The following PDPK1 variants were observed in gnomAD, a reference collection of about 807,000 sequenced individuals.
PDPK1 encodes the protein 3-phosphoinositide-dependent protein kinase 1.
Under a neutral mutation model 39.8 loss-of-function variants are expected in PDPK1, and 7 were observed. The observed-to-expected ratio is 0.18, with a 90% CI of 0.10 to 0.33. The LOEUF is 0.33. PDPK1 is among the 10% of genes least tolerant of loss of function. The pLI, the probability that PDPK1 is intolerant of heterozygous loss-of-function variation, is 1.00. For synonymous variants in PDPK1, 118 were observed against 159.1 expected, an observed-to-expected ratio of 0.74 and a Z score of 1.95; for missense variants, 182 against 384.7, an observed-to-expected ratio of 0.47 and a Z score of 4.41.
In PDPK1 at chr16:2,600,132, TACC is replaced by T. The variant is rs1410124318; in HGVS notation, c.*2368_*2370del. On this transcript the variant is annotated 3_prime_UTR_variant, in exon 14 of 14. Coordinates refer to ENST00000342085, the MANE Select transcript of PDPK1 (RefSeq NM_002613.5). Reference sequence around the variant, plus strand: ...TGCTCATGTCTACTCCGGTTTTCTCTACCACATCCTTAGAGCCATCACCTGGCA... The same window carrying T: ...TGCTCATGTCTACTCCGGTTTTCTCTACATCCTTAGAGCCATCACCTGGCA... The T allele has an allele frequency of 1.3e-5, 3 of 233,140 alleles. No homozygotes were observed. The highest frequency in any genetic ancestry group is 5.6e-5 in the Admixed American group (1 of 17,776). 14.4% of individuals were successfully genotyped at this position (233,140 alleles called of 1,614,324 possible).
intron 12 of PDPK1, 147 bp from the exon 13 acceptor site, chr16:2,596,976 G>A (rs752625878): frequency 2.7e-5 from 13 of 476,254 alleles, no homozygotes; most frequent in Non-Finnish European, 4.4e-5. Flanking sequence ...GGTGGGGCAG[G>A]AAGTCCCCTG....
intron 11 of PDPK1, among the ~76,000 whole-genome samples, chr16:2,594,743 G>T (rs1487385066): frequency 1.3e-5 from 2 of 152,188 alleles, no homozygotes; most frequent in Non-Finnish European, 2.9e-5. Context: ...CCCTTTGGGA[G>T]GCCGAGGCAG....
Position 2,597,716 on chromosome 16 carries a change from G to C in PDPK1, c.1620G>C (p.Gln540His). ...GNAHKWCRKI[Q>H]EVWRQRYQSH... ...CACACAAGTGGTGCAGGAAGATCCA[G>C]GAGGTTTGGAGGCAGCGATACCAGA... Residue 540 changes from glutamine to histidine, a missense_variant, in exon 14 of 14, where the codon CAG (glutamine) becomes CAC (histidine). Physicochemically the swap from Gln to His is conservative, Grantham distance 24. This residue lies in a region of PDPK1 where 67 missense variants were observed against 87.8 expected (regional missense o/e 0.76). Transcript: ENST00000342085. This position sits in a 1 kb window ranked among gnomAD's most constrained non-coding sequence, Gnocchi z 6.3. 6.2e-7 allele frequency: 1 copy of C among 1,613,702 alleles called. No homozygotes were observed. Among genetic ancestry groups the C allele is most frequent in the Non-Finnish European group, 8.5e-7 (1 of 1,180,026 alleles).
chr16:2,541,487 G>T (rs1027784058), intron 1 of PDPK1, among the ~76,000 whole-genome samples: 19 of 152,216 alleles, frequency 1.2e-4, no homozygotes, highest in Non-Finnish European at 2.2e-4. Context: ...CCCTTCTGAG[G>T]AAATGGACAG....
chr16:2,592,782 C>T (rs561930559), intron 11 of PDPK1: 6 of 455,432 alleles, frequency 1.3e-5, no homozygotes, highest in African/African-American at 1.0e-4. Context: ...CTCTAGATGC[C>T]GCCAGTGGAG....
At chr16:2,592,853 A>G (rs1423541461) in intron 11 of PDPK1, 2 of 456,038 alleles carry the variant, frequency 4.4e-6, no homozygotes, top group East Asian at 7.0e-5. Context: ...TGTCCATTTC[A>G]TTGTCTCTCT....
intron 1 of PDPK1, chr16:2,538,357 G>T (rs1327610883): frequency 2.6e-6 from 1 of 386,588 alleles, no homozygotes; most frequent in South Asian, 2.0e-5. Flanking sequence ...CGGCCTGGCC[G>T]GGGGCGCTGA....
intron 11 of PDPK1, among the ~76,000 whole-genome samples, chr16:2,589,058 T>C (rs1282548073): frequency 6.6e-6 from 1 of 152,088 alleles, no homozygotes; most frequent in East Asian, 1.9e-4. Context: ...TGGGTTAAAG[T>C]GATTCTCCTG....
intron 1 of PDPK1, among the ~76,000 whole-genome samples, chr16:2,552,439 A>G (rs1212127480): frequency 6.6e-6 from 1 of 151,764 alleles, no homozygotes; most frequent in Non-Finnish European, 1.5e-5. Context: ...TTTAAAACTC[A>G]GGGTTTGTTT....
rs1177599831 is a variant in PDPK1, at chr16:2,600,978, CT to C, written c.*3212del. 2 of 230,292 alleles carry C rather than the reference CT, an allele frequency of 8.7e-6. No homozygotes were observed. Among genetic ancestry groups the C allele is most frequent in the African/African-American group, 4.6e-5 (2 of 43,858 alleles). 14.3% of individuals were successfully genotyped at this position (230,292 alleles called of 1,614,324 possible). A position where few individuals can be genotyped will look rare whatever the true frequency, so the allele number is the denominator to read the frequency against. ...CAGAAACATGTTTTTAACAATTGTA[CT>C]ATTTAGTCATTGTCCATTTACTATA... On this transcript the variant is annotated 3_prime_UTR_variant, in exon 14 of 14. Coordinates refer to ENST00000342085, the MANE Select transcript of PDPK1 (RefSeq NM_002613.5).
intron 1 of PDPK1, among the ~76,000 whole-genome samples, chr16:2,545,852 C>G (rs1254889122): frequency 6.6e-6 from 1 of 152,098 alleles, no homozygotes; most frequent in East Asian, 1.9e-4. Context: ...GTTGCCCAGG[C>G]TGGTCTTGGA....
At position 2,573,805 on chromosome 16, in the gene PDPK1, T is replaced by A. The variant is rs1300786833; in HGVS notation, c.710-3620T>A. ...TTCCTTTTTCTGTTTTTATTTTTTT[T>A]TTTTTTGAGACGGAATTTCGCTCTT... is the stretch of plus-strand genomic sequence containing the variant. On this transcript the variant is annotated intron_variant, in intron 6 of 13. Transcript: ENST00000342085. Among the ~76,000 whole-genome samples the A allele has an allele frequency of 5.0e-5, 6 of 121,070 alleles. No individual in the cohort carries two copies. In the East Asian group the frequency reaches 9.0e-4, roughly 18 times the overall value. 79.4% of individuals were successfully genotyped at this position (121,070 alleles called of 152,430 possible).
chr16:2,579,486 T>A (rs2066778690), intron 7 of PDPK1: 1 of 118,994 alleles, frequency 8.4e-6, no homozygotes, highest in Non-Finnish European at 1.8e-5. Context: ...TATTCACGTT[T>A]TCTCGTTTGC....
chr16:2,560,168 A>G (rs1320659203), intron 2 of PDPK1, among the ~76,000 whole-genome samples: 495 of 151,730 alleles, frequency 3.3e-3, no homozygotes, highest in African/African-American at 0.011. Context: ...CTGCTTGTGA[A>G]GTGTTGAGTT....
intron 1 of PDPK1, 42 bp downstream of exon 1, chr16:2,538,178 C>G: frequency 1.9e-6 from 2 of 1,034,298 alleles, no homozygotes; most frequent in Non-Finnish European, 2.3e-6. Context: ...GTTTGTTACC[C>G]TGCCGGGTCC....
At chr16:2,556,440 C>T (rs1468361413) in intron 1 of PDPK1, among the ~76,000 whole-genome samples, 1 of 132,268 alleles carries the variant, frequency 7.6e-6, no homozygotes, top group Non-Finnish European at 1.6e-5. Context: ...TATCAGCTCA[C>T]TGCAACCTCT....
intron 1 of PDPK1, among the ~76,000 whole-genome samples, chr16:2,546,273 G>A (rs753311187): frequency 2.6e-5 from 4 of 151,540 alleles, no homozygotes; most frequent in African/African-American, 2.4e-5. Flanking sequence ...TAGTAGAGAC[G>A]GGGTTTCACC....
At chr16:2,591,435 G>T (rs2142000831) in intron 11 of PDPK1, among the ~76,000 whole-genome samples, 1 of 152,302 alleles carries the variant, frequency 6.6e-6, no homozygotes, top group Middle Eastern at 3.4e-3. Context: ...GAAATGTATT[G>T]TTACGAGTCA....
In PDPK1 at chr16:2,602,590, A is replaced by G. The variant is rs1432538799; in HGVS notation, c.*4823A>G. The G allele has an allele frequency of 1.3e-5, 3 of 234,386 alleles. No homozygotes were observed. The Admixed American group carries it at 1.7e-4, about 13-fold the overall frequency. The allele number at this position is 234,386 out of a possible 1,614,324, so 14.5% of individuals were successfully genotyped here. ...GGTCATTGTGCTGGTAAAAGCCTCT[A>G]TTACGACTGTAAGTAAGTTGGATGT... On this transcript the variant is annotated 3_prime_UTR_variant, in exon 14 of 14. Transcript: ENST00000342085.
Sources: gnomAD v4.1 joint callset for allele counts (sites outside exome capture counted in the v4.1 genomes callset) on GRCh38, gnomAD v4.1.1 for gene constraint, gnomAD v4.1.1 regional missense constraint, Gnocchi (gnomAD v3.1) non-coding constraint, MANE v1.5 for transcripts, NCBI Gene and HGNC (gene_info 2026-07-23, HGNC 2026-07-21) for gene names.